Variants in ZC3HC1 observed in about 807,000 individuals in gnomAD.
The protein encoded by ZC3HC1 is zinc finger C3HC-type containing 1.
In ZC3HC1, 38 loss-of-function variants were observed where a neutral mutation model predicts 61.9. The observed-to-expected ratio is 0.61, with a 90% confidence interval of 0.47 to 0.81. ZC3HC1 has a LOEUF of 0.81. ZC3HC1 is among the 30% of genes least tolerant of loss of function. The pLI, the probability that ZC3HC1 is intolerant of heterozygous loss-of-function variation, is 0.00. For missense variants in ZC3HC1, 554 were observed against 622.7 expected, an observed-to-expected ratio of 0.89 and a Z score of 1.17; for synonymous variants, 213 against 229.9, an observed-to-expected ratio of 0.93 and a Z score of 0.67.
rs1794642979 is a variant in ZC3HC1 at position 130,041,082 on chromosome 7, T to C, written c.278A>G (p.Lys93Arg). The C allele has an allele frequency of 1.9e-6, 3 of 1,611,374 alleles. No individual in the cohort carries two copies. The South Asian group carries it at 3.3e-5, about 18-fold the overall frequency. Residue 93 changes from lysine (K) to arginine (R), a missense_variant, in exon 3 of 10, where the codon AAG (lysine) becomes AGG (arginine). Lys to Arg is a conservative substitution (Grantham distance 26). Coordinates refer to ENST00000358303, the MANE Select transcript of ZC3HC1 (RefSeq NM_016478.5). ...ETFSSLKWAG[K>R]PFELSPLVCA... ...GACGAGTGGAGACAGCTCAAAGGGC[T>C]TACCTGCCCATTTCAAAGAGTATCC...
chr7:130,047,198 T>A (rs1223262099), intron 2 of ZC3HC1, among the ~76,000 whole-genome samples: 1 of 152,142 alleles, frequency 6.6e-6, no homozygotes, highest in African/African-American at 2.4e-5. Context: ...CTTGACCTCG[T>A]AATCCACTTG....
intron 4 of ZC3HC1, 80 bp downstream of exon 4, chr7:130,039,384 C>G: frequency 8.8e-7 from 1 of 1,141,912 alleles, no homozygotes; most frequent in East Asian, 2.4e-5. Context: ...AGTTCAAAGA[C>G]TAGGTTTTCA....
At chr7:130,043,562 A>G (rs1419725836) in intron 2 of ZC3HC1, 1 of 185,916 alleles carries the variant, frequency 5.4e-6, no homozygotes, top group African/African-American at 2.4e-5. Flanking sequence ...AAGGAAATGG[A>G]TCTAAATATT....
chr7:130,050,341 G>T, intron 1 of ZC3HC1: 1 of 1,320,632 alleles, frequency 7.6e-7, no homozygotes, highest in South Asian at 1.3e-5. Flanking sequence ...CCTCCTCAAA[G>T]TGCTGGGATT....
intron 9 of ZC3HC1, among the ~76,000 whole-genome samples, chr7:130,019,311 A>T (rs955025759): frequency 6.6e-6 from 1 of 152,024 alleles, no homozygotes; most frequent in African/African-American, 2.4e-5. Flanking sequence ...GGCCTCCCAA[A>T]GTGCTGGGAT....
chr7:130,049,810 A>C (rs139435146), intron 1 of ZC3HC1, among the ~76,000 whole-genome samples: 2,309 of 151,976 alleles, frequency 0.015, 25 homozygotes, highest in Middle Eastern at 0.024. Context: ...TCAGCCTCCC[A>C]AAGTGCTGGG....
At chr7:130,038,930 T>TA (rs1455450361) in intron 4 of ZC3HC1, among the ~76,000 whole-genome samples, 1 of 150,670 alleles carries the variant, frequency 6.6e-6, no homozygotes, top group Non-Finnish European at 1.5e-5. Context: ...CTGTAAGGAT[T>TA]AAATGGGATA....
At chr7:130,034,698 C>T (rs1214576215) in intron 4 of ZC3HC1, among the ~76,000 whole-genome samples, 1 of 151,952 alleles carries the variant, frequency 6.6e-6, no homozygotes, top group Non-Finnish European at 1.5e-5. Context: ...GACAGGGTGC[C>T]CAGCCTGGTC....
intron 4 of ZC3HC1, among the ~76,000 whole-genome samples, chr7:130,037,976 G>C (rs1794490263): frequency 6.6e-6 from 1 of 152,128 alleles, no homozygotes; most frequent in Non-Finnish European, 1.5e-5. Context: ...ATTTTTCATA[G>C]AGATGAGGTC....
chr7:130,028,813 T>C, intron 5 of ZC3HC1, 89 bp downstream of exon 5: 3 of 1,516,066 alleles, frequency 2.0e-6, no homozygotes, highest in Non-Finnish European at 2.7e-6. Flanking sequence ...TTCACAGCAA[T>C]TGCATCTTCT....
In ZC3HC1 at chr7:130,024,351, C is replaced by T. The variant is rs780966938; in HGVS notation, c.932G>A (p.Arg311Gln). 8.7e-6 allele frequency: 14 copies of T among 1,613,940 alleles called. No individual in the cohort carries two copies. The highest frequency in any genetic ancestry group is 6.6e-5 in the South Asian group (6 of 91,066). ...TSSPIPGLEG[R>Q]PERLPLVPES... ...AGGCACCAGAGGTAAGCGCTCTGGT[C>T]GCCCCTCAAGGCCTGGGATTGGGGA... Residue 311 changes from arginine to glutamine, a missense_variant, in exon 7 of 10, where the codon CGA (arginine) becomes CAA (glutamine). Arg to Gln is a conservative substitution (Grantham distance 43). Transcript: ENST00000358303.
At chr7:130,020,053 G>A (rs4728182) in intron 9 of ZC3HC1, among the ~76,000 whole-genome samples, 7,395 of 151,888 alleles carry the variant, frequency 0.049, 262 homozygotes, top group Non-Finnish European at 0.068. Flanking sequence ...CTGACCTCAT[G>A]ATCTGCCTGC....
intron 2 of ZC3HC1, among the ~76,000 whole-genome samples, chr7:130,044,078 C>G (rs1563084870): frequency 1.3e-5 from 2 of 151,898 alleles, no homozygotes; most frequent in African/African-American, 2.4e-5. Flanking sequence ...ATGTGTGTGT[C>G]TGTGTGTGTG....
chr7:130,046,892 AT>A (rs1240573946), intron 2 of ZC3HC1, among the ~76,000 whole-genome samples: 4 of 148,554 alleles, frequency 2.7e-5, no homozygotes, highest in South Asian at 2.2e-4. Flanking sequence ...GGTTCAAGCA[AT>A]TTCTCCTGCC....
chr7:130,043,468 C>G (rs1045067173), intron 2 of ZC3HC1: 2 of 154,082 alleles, frequency 1.3e-5, no homozygotes, highest in African/African-American at 2.4e-5. Flanking sequence ...ATTAAAGGAG[C>G]CATGATTATC....
Position 130,022,539 on chromosome 7 carries a change from A to G in ZC3HC1, c.1234-14T>C. 1 of 1,613,918 alleles carries G rather than the reference A, an allele frequency of 6.2e-7. No individual in the cohort carries two copies. Among genetic ancestry groups the G allele is most frequent in the Non-Finnish European group, 8.5e-7 (1 of 1,179,902 alleles). ...GGAAGATGTGTCCTGAGGAAGGAGA[A>G]AAAGAAATAGCATTCATAGGTAGAT... On this transcript the variant is annotated splice_polypyrimidine_tract_variant and intron_variant, in intron 8 of 9. Coordinates refer to ENST00000358303, the MANE Select transcript of ZC3HC1 (RefSeq NM_016478.5).
intron 2 of ZC3HC1, among the ~76,000 whole-genome samples, chr7:130,045,890 C>CA (rs59500095): frequency 0.067 from 2,510 of 37,718 alleles, 164 homozygotes; most frequent in African/African-American, 0.19. Context: ...GACTCCATCT[C>CA]AAAAAAAAAA....
chr7:130,023,192 A>G lies in ZC3HC1; in HGVS notation c.1233+319T>C. 2.9e-6 allele frequency: 1 copy of G among 346,732 alleles called. No individual in the cohort carries two copies. Among genetic ancestry groups the G allele is most frequent in the South Asian group, 4.4e-5 (1 of 22,916 alleles). The allele number at this position is 346,732 out of a possible 1,614,324, so 21.5% of individuals were successfully genotyped here. A position where few individuals can be genotyped will look rare whatever the true frequency, so the allele number is the denominator to read the frequency against. ...TCCTCCCAACCGTGGTCCGTGGAAA[A>G]ATGGTCTTCCATGAAAACGGTCCCT... On this transcript the variant is annotated intron_variant, in intron 8 of 9. Coordinates refer to ENST00000358303, the MANE Select transcript of ZC3HC1 (RefSeq NM_016478.5). The surrounding 1 kb of genome is among the most constrained non-coding windows in gnomAD (Gnocchi z 4.2).
chr7:130,051,292 T>C lies in ZC3HC1; in HGVS notation c.75A>G (p.Pro25=), dbSNP rs1480438326. 1.2e-5 allele frequency: 20 copies of C among 1,613,220 alleles called. No homozygotes were observed. Among genetic ancestry groups the C allele is most frequent in the Admixed American group, 3.3e-5 (2 of 59,856 alleles). ...EKNWGAVVRS[P]EGTPQKIRQL... ...GCCGGATTTTCTGGGGGGTCCCTTC[T>C]GGGGAGCGAACTACTGCACCCCAAT... is the stretch of plus-strand genomic sequence containing the variant. The change falls in exon 1 of 10, where the codon CCA becomes CCG. Residue 25 remains proline, a synonymous_variant. Transcript: ENST00000358303.
Sources: allele counts gnomAD v4.1 joint callset (sites outside exome capture counted in the v4.1 genomes callset), GRCh38; gene constraint gnomAD v4.1.1; non-coding constraint Gnocchi (gnomAD v3.1); transcripts MANE v1.5; gene names NCBI Gene and HGNC (gene_info 2026-07-23, HGNC 2026-07-21).